The following IGF1 variants were observed in gnomAD, a reference collection of about 807,000 sequenced individuals.
IGF1 encodes insulin-like growth factor 1.
In IGF1, 4 loss-of-function variants were observed where a neutral mutation model predicts 13.8. The observed-to-expected ratio is 0.29, with a 90% CI of 0.14 to 0.66. IGF1 has a LOEUF of 0.66. IGF1 is among the 30% of genes least tolerant of loss of function. The pLI is 0.78. For synonymous variants in IGF1, 76 were observed against 72.6 expected, an observed-to-expected ratio of 1.05 and a Z score of -0.23; for missense variants, 124 against 188.5, an observed-to-expected ratio of 0.66 and a Z score of 2.00.
chr12:102,416,532 A>G (rs138969683), intron 3 of IGF1, among the ~76,000 whole-genome samples: 1 of 152,262 alleles, frequency 6.6e-6, no homozygotes, highest in East Asian at 1.9e-4. Flanking sequence ...CTCCTGGCCA[A>G]AAGAAGAGCA....
chr12:102,446,561 G>T (rs1247770817), intron 2 of IGF1, among the ~76,000 whole-genome samples: 2 of 152,102 alleles, frequency 1.3e-5, no homozygotes, highest in Non-Finnish European at 2.9e-5. Context: ...TGTGGGATCG[G>T]TGGTGATACC....
chr12:102,396,636 C>T lies in IGF1; in HGVS notation c.*5871G>A. On this transcript the variant is annotated 3_prime_UTR_variant, in exon 4 of 4. Transcript: ENST00000337514. ...AAATGAGTAATGTTTACTTTTAGGC[C>T]TCAGTAATATAAAAAAAGGCAGATT... is the stretch of plus-strand genomic sequence containing the variant. 2 of 370,416 alleles carry T rather than the reference C, an allele frequency of 5.4e-6. No individual in the cohort carries two copies. Among genetic ancestry groups the T allele is most frequent in the Non-Finnish European group, 9.6e-6 (2 of 209,292 alleles). The allele number at this position is 370,416 out of a possible 1,614,324, so 22.9% of individuals were successfully genotyped here.
At chr12:102,431,185 G>C (rs1044610127) in intron 2 of IGF1, among the ~76,000 whole-genome samples, 7 of 152,190 alleles carry the variant, frequency 4.6e-5, no homozygotes, top group African/African-American at 7.2e-5. Context: ...TACTAGGCTT[G>C]AAGCTTAGTT....
At chr12:102,451,134 G>T (rs1327606621) in intron 2 of IGF1, among the ~76,000 whole-genome samples, 4 of 152,150 alleles carry the variant, frequency 2.6e-5, no homozygotes, top group Admixed American at 1.3e-4. Context: ...TTCAAGAATG[G>T]TTCTGCACAC....
intron 1 of IGF1, among the ~76,000 whole-genome samples, chr12:102,476,153 C>T (rs1012546793): frequency 6.6e-6 from 1 of 152,102 alleles, no homozygotes; most frequent in Non-Finnish European, 1.5e-5. Flanking sequence ...CACTCTGAGA[C>T]CCTGGTAGAA....
At chr12:102,402,914 A>C (rs772087026) in intron 3 of IGF1, among the ~76,000 whole-genome samples, 2 of 152,234 alleles carry the variant, frequency 1.3e-5, no homozygotes, top group Non-Finnish European at 2.9e-5. Flanking sequence ...CTTTCCTAGT[A>C]AGAAAAAAAA....
At chr12:102,447,466 TTACCA>T (rs1471270279) in intron 2 of IGF1, among the ~76,000 whole-genome samples, 2 of 152,238 alleles carry the variant, frequency 1.3e-5, no homozygotes, top group African/African-American at 4.8e-5. Flanking sequence ...ATTGATCCCT[TTACCA>T]TTATGTCATT....
chr12:102,460,711 G>T (rs1471003392), intron 2 of IGF1, among the ~76,000 whole-genome samples: 4 of 152,206 alleles, frequency 2.6e-5, no homozygotes, highest in Non-Finnish European at 5.9e-5. Flanking sequence ...AAAGGTATTA[G>T]AGATTATCTT....
intron 2 of IGF1, among the ~76,000 whole-genome samples, chr12:102,469,831 C>T (rs1880577299): frequency 6.6e-6 from 1 of 151,884 alleles, no homozygotes; most frequent in Non-Finnish European, 1.5e-5. Context: ...TCTTTGCCCA[C>T]CAAAAGTGGA....
At chr12:102,474,054 A>T (rs1880856704) in intron 2 of IGF1, among the ~76,000 whole-genome samples, 1 of 152,236 alleles carries the variant, frequency 6.6e-6, no homozygotes, top group Non-Finnish European at 1.5e-5. Flanking sequence ...TCAAGGAAAA[A>T]AAAAGTCCCC....
intron 2 of IGF1, among the ~76,000 whole-genome samples, chr12:102,456,426 T>A (rs1462355414): frequency 6.6e-6 from 1 of 152,194 alleles, no homozygotes; most frequent in African/African-American, 2.4e-5. Flanking sequence ...ACTGTTAGCA[T>A]GTAATAATAT....
intron 1 of IGF1, among the ~76,000 whole-genome samples, chr12:102,476,934 C>A (rs1000233476): frequency 3.9e-5 from 6 of 152,146 alleles, no homozygotes; most frequent in African/African-American, 1.2e-4. Flanking sequence ...TTCCAAGAAG[C>A]CTCTCAAGGT....
chr12:102,450,068 T>A (rs1338538948), intron 2 of IGF1, among the ~76,000 whole-genome samples: 3 of 152,220 alleles, frequency 2.0e-5, no homozygotes, highest in Non-Finnish European at 4.4e-5. Context: ...CTCTTCCGAA[T>A]GGAGAAAATC....
chr12:102,451,153 GC>G (rs373727151), intron 2 of IGF1, among the ~76,000 whole-genome samples: 135 of 152,316 alleles, frequency 8.9e-4, no homozygotes, highest in Middle Eastern at 3.4e-3. Context: ...ACCTAGTGTA[GC>G]TTTTCTATTC....
intron 3 of IGF1, among the ~76,000 whole-genome samples, chr12:102,402,770 T>C (rs72550788): frequency 2.6e-5 from 4 of 152,188 alleles, no homozygotes; most frequent in Admixed American, 1.3e-4. Flanking sequence ...GCATCTTCTA[T>C]GTACCCCTGG....
At chr12:102,429,243 C>A (rs996053887) in intron 2 of IGF1, among the ~76,000 whole-genome samples, 3 of 152,102 alleles carry the variant, frequency 2.0e-5, no homozygotes, top group Non-Finnish European at 2.9e-5. Flanking sequence ...TCTTTTCTTT[C>A]TGCAGGATTT....
In IGF1 at chr12:102,403,765, C is replaced by T. The variant is rs1004147534; in HGVS notation, c.403-1199G>A. On this transcript the variant is annotated intron_variant, in intron 3 of 3. Transcript: ENST00000337514. ...GGCATTCCAGGCATGAGCCACTGCA[C>T]CCGGCCTGGATATTGAGTTTTGCTT... Among the ~76,000 whole-genome samples, 5 of 151,618 alleles carry T rather than the reference C, an allele frequency of 3.3e-5. No individual in the cohort carries two copies. In the South Asian group the frequency reaches 1.0e-3, roughly 32 times the overall value.
rs1276706580 is a variant in IGF1, at chr12:102,417,502, AT to A, written c.402+2006del. 3 of 976,494 alleles carry A rather than the reference AT, an allele frequency of 3.1e-6. No homozygotes were observed. The Admixed American group carries it at 1.6e-4, about 53-fold the overall frequency. The allele number at this position is 976,494 out of a possible 1,614,324, so 60.5% of individuals were successfully genotyped here. A position where few individuals can be genotyped will look rare whatever the true frequency, so the allele number is the denominator to read the frequency against. On this transcript the variant is annotated intron_variant, in intron 3 of 3. Coordinates refer to ENST00000337514, the MANE Select transcript of IGF1 (RefSeq NM_000618.5). Reference sequence around the variant, plus strand: ...TATAGAAGCCTTAATTTTTATTTAAATTCTTTTATTTAATTGTGTTTTAGAG... The same window carrying A: ...TATAGAAGCCTTAATTTTTATTTAAATCTTTTATTTAATTGTGTTTTAGAG...
intron 3 of IGF1, among the ~76,000 whole-genome samples, chr12:102,411,006 C>T (rs1874589377): frequency 6.6e-6 from 1 of 152,180 alleles, no homozygotes; most frequent in Non-Finnish European, 1.5e-5. Context: ...TGCATGCATA[C>T]AGTTTTAAAA....
Sources: gnomAD v4.1 joint callset for allele counts (sites outside exome capture counted in the v4.1 genomes callset) on GRCh38, gnomAD v4.1.1 for gene constraint, MANE v1.5 for transcripts, NCBI Gene and HGNC (gene_info 2026-07-23, HGNC 2026-07-21) for gene names.